ANGPTL3: variants seen among roughly 807,000 people sequenced by gnomAD.
ANGPTL3 encodes angiopoietin-related protein 3.
A neutral mutation model predicts 52.7 loss-of-function variants in ANGPTL3; 51 were observed. The observed-to-expected ratio is 0.97, with a 90% CI of 0.77 to 1.22. ANGPTL3 has a LOEUF of 1.22. ANGPTL3 is among the 50% of genes most tolerant of loss of function. ANGPTL3 has a pLI of 0.00. For missense variants in ANGPTL3, 506 were observed against 520.7 expected (o/e 0.97, Z 0.27); for synonymous variants, 185 against 179.8 (o/e 1.03, Z -0.23).
In ANGPTL3 at chr1:62,604,226, G is replaced by C. The variant is rs751132396; in HGVS notation, c.1189G>C (p.Gly397Arg). 1.9e-6 allele frequency: 3 copies of C among 1,612,798 alleles called. No homozygotes were observed. The African/African-American group carries it at 4.0e-5, about 22-fold the overall frequency. ...KAKGHFNCPE[G>R]YSGGWWWHDE... ...AAAAGGACACTTCAACTGTCCAGAG[G>C]GTTATTCAGGTATCTTTTTCTGATA... The change falls in exon 6 of 7, where the codon GGT becomes CGT. Residue 397 changes from glycine to arginine, a missense_variant. Transcript: ENST00000371129.
At chr1:62,602,457 AT>A in intron 5 of ANGPTL3, 77 bp downstream of exon 5, 1 of 1,313,934 alleles carries the variant, frequency 7.6e-7, no homozygotes, top group Non-Finnish European at 1.1e-6. Flanking sequence ...TGGACCAGGT[AT>A]TAGGAAAAGT....
At chr1:62,601,658 G>GA in intron 3 of ANGPTL3, 111 bp from the exon 4 acceptor site, 2 of 743,964 alleles carry the variant, frequency 2.7e-6, no homozygotes, top group Non-Finnish European at 4.5e-6. Flanking sequence ...AAACATTACT[G>GA]AAAAAATGCT....
chr1:62,599,040 A>G (rs1649718393), intron 2 of ANGPTL3, among the ~76,000 whole-genome samples: 1 of 152,080 alleles, frequency 6.6e-6, no homozygotes, highest in Admixed American at 6.6e-5. Flanking sequence ...GTTTCCTCAC[A>G]TATACTACAA....
At position 62,604,991 on chromosome 1, in the gene ANGPTL3, C is replaced by T. The variant is rs779032330; in HGVS notation, c.*174C>T. 4.9e-5 allele frequency: 31 copies of T among 626,888 alleles called. No individual in the cohort carries two copies. Among genetic ancestry groups the T allele is most frequent in the Middle Eastern group, 4.4e-4 (1 of 2,258 alleles). 38.8% of individuals were successfully genotyped at this position (626,888 alleles called of 1,614,324 possible). On this transcript the variant is annotated 3_prime_UTR_variant, in exon 7 of 7. Coordinates refer to ENST00000371129, the MANE Select transcript of ANGPTL3 (RefSeq NM_014495.4). ...ACAATCACATAACCTTAAAGAATAC[C>T]GTTTACATTTCTCAATCAAAATTCT...
At position 62,601,802 on chromosome 1, in the gene ANGPTL3, G is replaced by A; in HGVS notation, c.755G>A (p.Arg252Lys). The A allele has an allele frequency of 6.2e-7, 1 of 1,609,712 alleles. No homozygotes were observed. The highest frequency in any genetic ancestry group is 1.1e-5 in the South Asian group (1 of 90,970). ...GCTGAATGTACCACCATTTATAACA[G>A]AGGTGAACATACAAGTGGCATGTAT... Reference protein sequence around the residue: ...IPAECTTIYNRGEHTSGMYAI... With the variant: ...IPAECTTIYNKGEHTSGMYAI... Residue 252 changes from arginine to lysine, a missense_variant, in exon 4 of 7, where the codon AGA (arginine) becomes AAA (lysine). Coordinates refer to ENST00000371129, the MANE Select transcript of ANGPTL3 (RefSeq NM_014495.4).
intron 2 of ANGPTL3, 105 bp downstream of exon 2, chr1:62,598,911 T>C (rs1242284370): frequency 1.3e-6 from 1 of 741,276 alleles, no homozygotes; most frequent in Non-Finnish European, 2.4e-6. Flanking sequence ...AGTAAAATTA[T>C]CACATCAGCA....
chr1:62,600,484 A>G (rs960727746), intron 2 of ANGPTL3, among the ~76,000 whole-genome samples: 1 of 151,822 alleles, frequency 6.6e-6, no homozygotes, highest in African/African-American at 2.4e-5. Flanking sequence ...ACTGTCAATG[A>G]GAAAAACTAT....
At chr1:62,604,289 A>C in intron 6 of ANGPTL3, 54 bp downstream of exon 6, 1 of 1,594,456 alleles carries the variant, frequency 6.3e-7, no homozygotes, top group Non-Finnish European at 8.6e-7. Flanking sequence ...GTATCTTCCC[A>C]CATTATTAGC....
chr1:62,601,343 C>T (rs1180533192), intron 3 of ANGPTL3, 147 bp downstream of exon 3: 4 of 646,376 alleles, frequency 6.2e-6, no homozygotes, highest in East Asian at 2.8e-5. Context: ...TCTTTTTACA[C>T]CCTATAAAAG....
intron 2 of ANGPTL3, 119 bp downstream of exon 2, chr1:62,598,925 C>T: frequency 1.4e-6 from 1 of 691,850 alleles, no homozygotes. Flanking sequence ...ATCAGCATAA[C>T]TGTTAAAATT....
chr1:62,604,455 T>TACAGATTATTTATAC, intron 6 of ANGPTL3, 178 bp from the exon 7 acceptor site: 1 of 897,832 alleles, frequency 1.1e-6, no homozygotes. Flanking sequence ...TGGTAGTGTA[T>TACAGATTATTTATAC]AGATTATTTA....
In ANGPTL3 at chr1:62,604,035, T is replaced by A; in HGVS notation, c.998T>A (p.Ile333Asn). 1 of 1,613,088 alleles carries A rather than the reference T, an allele frequency of 6.2e-7. No homozygotes were observed. Among genetic ancestry groups the A allele is most frequent in the Non-Finnish European group, 8.5e-7 (1 of 1,179,300 alleles). ...IVKQSNYVLR[I>N]ELEDWKDNKH... Reference sequence around the variant, plus strand: ...AAGCAATCTAATTATGTTTTACGAATTGAGTTGGAAGACTGGAAAGACAAC... The same window carrying A: ...AAGCAATCTAATTATGTTTTACGAAATGAGTTGGAAGACTGGAAAGACAAC... The change falls in exon 6 of 7, where the codon ATT becomes AAT. Residue 333 changes from isoleucine (I) to asparagine (N), a missense_variant. Transcript: ENST00000371129.
At position 62,597,950 on chromosome 1, in the gene ANGPTL3, A is replaced by G. The variant is rs752758133; in HGVS notation, c.384A>G (p.Leu128=). ...LELNSKLESL[L]EEKILLQQKV... is the part of the protein sequence containing the mutation. ...TCAACTCAAAACTTGAAAGCCTCCT[A>G]GAAGAAAAAATTCTACTTCAACAAA... The change falls in exon 1 of 7, where the codon CTA becomes CTG. Residue 128 remains leucine, a synonymous_variant. Coordinates refer to ENST00000371129, the MANE Select transcript of ANGPTL3 (RefSeq NM_014495.4). The G allele has an allele frequency of 1.3e-6, 2 of 1,554,278 alleles. No individual in the cohort carries two copies. Among genetic ancestry groups the G allele is most frequent in the South Asian group, 2.5e-5 (2 of 79,506 alleles).
At chr1:62,602,184 C>A in intron 4 of ANGPTL3, 101 bp from the exon 5 acceptor site, 2 of 958,024 alleles carry the variant, frequency 2.1e-6, no homozygotes, top group Non-Finnish European at 3.3e-6. Context: ...AATAAACTAC[C>A]TTACAAAACC....
intron 2 of ANGPTL3, among the ~76,000 whole-genome samples, chr1:62,600,743 T>G (rs931685469): frequency 1.5e-4 from 23 of 151,870 alleles, no homozygotes; most frequent in African/African-American, 5.3e-4. Flanking sequence ...ACTTAAAATC[T>G]GAACAGAATA....
Position 62,604,782 on chromosome 1 carries a change from T to C in ANGPTL3, c.1348T>C (p.Leu450=). The C allele has an allele frequency of 6.2e-7, 1 of 1,613,106 alleles. No homozygotes were observed. The highest frequency in any genetic ancestry group is 8.5e-7 in the Non-Finnish European group (1 of 1,179,312). Residue 450 remains leucine, a synonymous_variant, in exon 7 of 7, where the codon TTG becomes CTG. Coordinates refer to ENST00000371129, the MANE Select transcript of ANGPTL3 (RefSeq NM_014495.4). ...RLYSIKSTKM[L]IHPTDSESFE ...ATACTCTATAAAATCAACCAAAATG[T>C]TGATCCATCCAACAGATTCAGAAAG...
In ANGPTL3 at chr1:62,601,904, T is replaced by C. The variant is rs145535735; in HGVS notation, c.835+22T>C. ...TCAGGTAAAACCTGTCTAAGGAGAA[T>C]AGACAGTAGTTAGTTCAACTTACTC... On this transcript the variant is annotated intron_variant, in intron 4 of 6. Transcript: ENST00000371129. The C allele has an allele frequency of 1.9e-4, 286 of 1,491,184 alleles. 3 individuals are homozygous for C. In the African/African-American group the frequency reaches 2.4e-3, roughly 13 times the overall value. The allele number at this position is 1,491,184 out of a possible 1,614,324, so 92.4% of individuals were successfully genotyped here. A position where few individuals can be genotyped will look rare whatever the true frequency, so the allele number is the denominator to read the frequency against.
chr1:62,604,375 T>C (rs908541128), intron 6 of ANGPTL3, 140 bp downstream of exon 6: 1 of 1,090,694 alleles, frequency 9.2e-7, no homozygotes, highest in Admixed American at 2.5e-5. Context: ...ACCTCTTAAC[T>C]ATAATGAAAG....
intron 2 of ANGPTL3, among the ~76,000 whole-genome samples, 166 bp downstream of exon 2, chr1:62,598,972 C>A (rs1291019796): frequency 6.6e-6 from 1 of 152,044 alleles, no homozygotes; most frequent in Non-Finnish European, 1.5e-5. Context: ...TGCATTTAAA[C>A]CATGGCTCTA....
Sources: allele counts gnomAD v4.1 joint callset (sites outside exome capture counted in the v4.1 genomes callset), GRCh38; gene constraint gnomAD v4.1.1; transcripts MANE v1.5; gene names NCBI Gene and HGNC (gene_info 2026-07-23, HGNC 2026-07-21).